ROBO1: variants seen among roughly 807,000 people sequenced by gnomAD.
ROBO1 encodes roundabout homolog 1.
Under a neutral mutation model 195.9 loss-of-function variants are expected in ROBO1, and 149 were observed. The observed-to-expected ratio is 0.76, with a 90% CI of 0.67 to 0.87. ROBO1 has a LOEUF of 0.87. ROBO1 is among the 40% of genes least tolerant of loss of function. ROBO1 has a pLI of 0.00. For missense variants in ROBO1, 1,933 were observed against 2,068.3 expected (o/e 0.93, Z 1.27); for synonymous variants, 816 against 733.2 (o/e 1.11, Z -1.82).
At chr3:79,634,925 A>T (rs1945453249) in intron 1 of ROBO1, among the ~76,000 whole-genome samples, 1 of 152,224 alleles carries the variant, frequency 6.6e-6, no homozygotes, top group Non-Finnish European at 1.5e-5. Context: ...AGAGAAAATA[A>T]TGAGTTAATG....
At chr3:79,382,081 G>A (rs2036593614) in intron 2 of ROBO1, among the ~76,000 whole-genome samples, 1 of 151,956 alleles carries the variant, frequency 6.6e-6, no homozygotes, top group Non-Finnish European at 1.5e-5. Context: ...TCTTTCATCA[G>A]GGATGAAGAT....
chr3:78,963,178 A>T (rs1576476858), intron 3 of ROBO1, among the ~76,000 whole-genome samples: 1 of 152,048 alleles, frequency 6.6e-6, no homozygotes, highest in African/African-American at 2.4e-5. Context: ...AACCTGATAC[A>T]AATCTTATAA....
intron 2 of ROBO1, among the ~76,000 whole-genome samples, chr3:79,374,161 T>G (rs1023907075): frequency 6.6e-6 from 1 of 152,090 alleles, no homozygotes; most frequent in Non-Finnish European, 1.5e-5. Context: ...AAATTCGGAG[T>G]TCCTTCCTTT....
At chr3:78,662,775 G>A (rs980167593) in intron 14 of ROBO1, among the ~76,000 whole-genome samples, 2 of 152,084 alleles carry the variant, frequency 1.3e-5, no homozygotes, top group African/African-American at 2.4e-5. Flanking sequence ...TTTAGTTATT[G>A]TATCATAGTA....
chr3:78,612,391 AC>A (rs1481510650), intron 28 of ROBO1, among the ~76,000 whole-genome samples: 1 of 152,070 alleles, frequency 6.6e-6, no homozygotes, highest in Non-Finnish European at 1.5e-5. Flanking sequence ...AATAAATTGT[AC>A]CAATTGTGTC....
chr3:79,020,808 A>C (rs2078085479), intron 3 of ROBO1, among the ~76,000 whole-genome samples: 1 of 152,192 alleles, frequency 6.6e-6, no homozygotes, highest in African/African-American at 2.4e-5. Flanking sequence ...CTTCAAAAAA[A>C]ATTATTTGGT....
At chr3:78,741,192 T>C (rs2082525076) in intron 5 of ROBO1, among the ~76,000 whole-genome samples, 1 of 152,166 alleles carries the variant, frequency 6.6e-6, no homozygotes. Context: ...CCATCCTCCA[T>C]AAGAGATCAG....
chr3:79,054,007 A>T (rs926616304), intron 3 of ROBO1, among the ~76,000 whole-genome samples: 1 of 152,082 alleles, frequency 6.6e-6, no homozygotes, highest in Non-Finnish European at 1.5e-5. Context: ...TTTTGTACTG[A>T]GGCCATTTTG....
chr3:79,155,340 A>G (rs1044875036), intron 2 of ROBO1, among the ~76,000 whole-genome samples: 2 of 151,816 alleles, frequency 1.3e-5, no homozygotes, highest in African/African-American at 4.8e-5. Flanking sequence ...TTGTCCTTGT[A>G]TTGAATTGTA....
intron 3 of ROBO1, among the ~76,000 whole-genome samples, chr3:79,091,096 A>G (rs2079472437): frequency 6.6e-6 from 1 of 152,174 alleles, no homozygotes; most frequent in African/African-American, 2.4e-5. Context: ...ATGCCGTTAC[A>G]TAACACCTCC....
At chr3:78,618,713 T>C (rs1704273443) in intron 26 of ROBO1, among the ~76,000 whole-genome samples, 1 of 152,236 alleles carries the variant, frequency 6.6e-6, no homozygotes, top group South Asian at 2.1e-4. Context: ...TTTATTGTTA[T>C]TCTATCTTTT....
intron 10 of ROBO1, among the ~76,000 whole-genome samples, chr3:78,680,329 A>C (rs1431705207): frequency 6.6e-6 from 1 of 152,202 alleles, no homozygotes; most frequent in Admixed American, 6.5e-5. Context: ...AAAATTGACA[A>C]ATGGGATCTA....
At chr3:79,235,552 A>G (rs2082392204) in intron 2 of ROBO1, among the ~76,000 whole-genome samples, 1 of 152,124 alleles carries the variant, frequency 6.6e-6, no homozygotes, top group South Asian at 2.1e-4. Flanking sequence ...TGAATGGTCA[A>G]TGTTGGATCT....
At chr3:79,706,589 A>G (rs547124135) in intron 1 of ROBO1, among the ~76,000 whole-genome samples, 4 of 152,220 alleles carry the variant, frequency 2.6e-5, no homozygotes, top group African/African-American at 9.6e-5. Context: ...TAATTAAGTC[A>G]TGGCAGCAGG....
chr3:78,721,780 G>A (rs1226507515), intron 5 of ROBO1, among the ~76,000 whole-genome samples: 1 of 152,152 alleles, frequency 6.6e-6, no homozygotes, highest in Non-Finnish European at 1.5e-5. Flanking sequence ...CTAATTTACT[G>A]TTACAAATCT....
At chr3:79,293,014 T>G (rs1021097218) in intron 2 of ROBO1, among the ~76,000 whole-genome samples, 1 of 152,170 alleles carries the variant, frequency 6.6e-6, no homozygotes, top group Non-Finnish European at 1.5e-5. Context: ...CCTTCGCTTT[T>G]TTTGGTTGGT....
rs71127376 is a variant in ROBO1, at chr3:79,145,372, TACAC to T, written c.89-19837_89-19834del. ...CTGATGCCAGAAATACACACACACA[TACAC>T]ACACACACACACACACACACACACA... On this transcript the variant is annotated intron_variant, in intron 2 of 30. Transcript: ENST00000464233. Among the ~76,000 whole-genome samples the T allele has an allele frequency of 5.3e-3, 386 of 72,828 alleles. 2 individuals are homozygous for T. Among genetic ancestry groups the T allele is most frequent in the East Asian group, 0.022 (47 of 2,122 alleles). 47.8% of individuals were successfully genotyped at this position (72,828 alleles called of 152,430 possible).
intron 2 of ROBO1, among the ~76,000 whole-genome samples, chr3:79,403,918 A>C (rs978081472): frequency 6.6e-6 from 1 of 152,028 alleles, no homozygotes; most frequent in African/African-American, 2.4e-5. Context: ...TGAATGCTGG[A>C]TTTATTTCAG....
chr3:79,077,744 T>A (rs2079198853), intron 3 of ROBO1, among the ~76,000 whole-genome samples: 1 of 151,870 alleles, frequency 6.6e-6, no homozygotes, highest in South Asian at 2.1e-4. Context: ...AAAGGTTGAA[T>A]TTGGAGAGTC....
Sources: allele counts gnomAD v4.1 joint callset (sites outside exome capture counted in the v4.1 genomes callset), GRCh38; gene constraint gnomAD v4.1.1; transcripts MANE v1.5; gene names NCBI Gene and HGNC (gene_info 2026-07-23, HGNC 2026-07-21).